The following NAV2 variants were observed in gnomAD, a reference collection of about 807,000 sequenced individuals.
NAV2 encodes the protein neuron navigator 2, also known as helicase, APC down-regulated 1.
NAV2 carries 54 observed loss-of-function variants against 223.2 expected under a neutral mutation model. The observed-to-expected ratio is 0.24, with a 90% confidence interval of 0.19 to 0.30. NAV2 has a LOEUF of 0.30. Ranked by LOEUF, NAV2 falls within the 10% of genes least tolerant of loss-of-function variation. The pLI is 1.00. For synonymous variants in NAV2, 1,279 were observed against 1,239.3 expected (o/e 1.03, Z -0.67); for missense variants, 2,806 against 3,147.5 (o/e 0.89, Z 2.60).
At chr11:19,365,133 T>C (rs1341426413) in intron 1 of NAV2, among the ~76,000 whole-genome samples, 2 of 152,240 alleles carry the variant, frequency 1.3e-5, no homozygotes, top group East Asian at 3.8e-4. Flanking sequence ...CAATAGCTTA[T>C]GTTTGGGCAA....
chr11:19,673,195 C>A (rs1233887433), intron 1 of NAV2, among the ~76,000 whole-genome samples: 2 of 152,210 alleles, frequency 1.3e-5, no homozygotes, highest in African/African-American at 4.8e-5. Context: ...TGTAATGATA[C>A]TTATTACTAT....
In NAV2 at chr11:19,713,202, C is replaced by A; in HGVS notation, c.-494C>A. ...TCTTCTCTCCTTCCTTCGCTGCTGTCTCCTTTCCTTCCTTGGCTGCTCGCT... is the reference window on the plus strand; with the variant it reads ...TCTTCTCTCCTTCCTTCGCTGCTGTATCCTTTCCTTCCTTGGCTGCTCGCT... On this transcript the variant is annotated 5_prime_UTR_variant, in exon 1 of 38. Coordinates refer to ENST00000349880, the MANE Select transcript of NAV2 (RefSeq NM_145117.5). The surrounding 1 kb of genome is among the most constrained non-coding windows in gnomAD (Gnocchi z 7.2). The A allele has an allele frequency of 1.8e-6, 1 of 561,988 alleles. No homozygotes were observed. Among genetic ancestry groups the A allele is most frequent in the Non-Finnish European group, 2.3e-6 (1 of 442,622 alleles). 34.8% of individuals were successfully genotyped at this position (561,988 alleles called of 1,614,324 possible). A position where few individuals can be genotyped will look rare whatever the true frequency, so the allele number is the denominator to read the frequency against.
chr11:19,629,490 C>T (rs1315369313), intron 1 of NAV2, among the ~76,000 whole-genome samples: 1 of 151,850 alleles, frequency 6.6e-6, no homozygotes, highest in African/African-American at 2.4e-5. Flanking sequence ...CACACACACA[C>T]ACGTACAGAC....
rs763080757 is a variant in NAV2, at chr11:19,948,717, A to G, written c.2282A>G (p.Asn761Ser). Residue 761 changes from asparagine (N) to serine (S), a missense_variant, in exon 10 of 38, where the codon AAT (asparagine) becomes AGT (serine). By Grantham distance (46) the Asn-to-Ser change is conservative. This residue lies in a region of NAV2 where 1,167 missense variants were observed against 1,180.5 expected (regional missense o/e 0.99). Transcript: ENST00000349880. ...ACATTGGAAACCACGTTTGACACCA[A>G]TGTCACCACGGAGATGAGTGGCCGT... ...HSTLETTFDT[N>S]VTTEMSGRSI... 20 of 1,591,642 alleles carry G rather than the reference A, an allele frequency of 1.3e-5. No individual in the cohort carries two copies. Among genetic ancestry groups the G allele is most frequent in the East Asian group, 2.3e-5 (1 of 44,288 alleles).
chr11:19,812,188 C>T lies in NAV2; in HGVS notation c.268-20296C>T, dbSNP rs73435623. ...CTGATTCAATAGGCCTGGAGTGGGG[C>T]CTGATAATCTGCATTTATGATGAGT... On this transcript the variant is annotated intron_variant, in intron 1 of 37. Transcript: ENST00000349880. Among the ~76,000 whole-genome samples the T allele has an allele frequency of 5.8e-3, 876 of 152,076 alleles. 8 individuals are homozygous for T. Among genetic ancestry groups the T allele is most frequent in the African/African-American group, 0.02 (841 of 41,534 alleles).
intron 1 of NAV2, among the ~76,000 whole-genome samples, chr11:19,802,448 TC>T (rs1211375418): frequency 6.6e-6 from 1 of 152,186 alleles, no homozygotes; most frequent in Non-Finnish European, 1.5e-5. Context: ...TGCTGAGGCC[TC>T]CCCAGCCACC....
chr11:19,970,435 C>T (rs1213422018), intron 10 of NAV2, among the ~76,000 whole-genome samples: 2 of 152,208 alleles, frequency 1.3e-5, no homozygotes, highest in Non-Finnish European at 2.9e-5. Context: ...TCCCAAAGTG[C>T]TGAGATTACA....
At chr11:19,758,165 C>A (rs1412967734) in intron 1 of NAV2, among the ~76,000 whole-genome samples, 1 of 152,210 alleles carries the variant, frequency 6.6e-6, no homozygotes. Context: ...GCACCTACAT[C>A]TCTATTTGAG....
At chr11:19,356,296 T>A (rs1853612416) in intron 1 of NAV2, among the ~76,000 whole-genome samples, 1 of 152,050 alleles carries the variant, frequency 6.6e-6, no homozygotes, top group Non-Finnish European at 1.5e-5. Context: ...GGCAAAGGGG[T>A]CAGACCAATT....
intron 1 of NAV2, among the ~76,000 whole-genome samples, chr11:19,549,206 G>T (rs1590484815): frequency 6.6e-6 from 1 of 152,150 alleles, no homozygotes; most frequent in Non-Finnish European, 1.5e-5. Context: ...ATAGGGGCTA[G>T]GCCATTCTCA....
chr11:19,875,869 A>G (rs2062805761), intron 4 of NAV2, among the ~76,000 whole-genome samples: 1 of 152,166 alleles, frequency 6.6e-6, no homozygotes, highest in South Asian at 2.1e-4. Context: ...GGGGATGAGC[A>G]GAGAGAATGG....
At chr11:19,948,101 G>A (rs190078020) in intron 9 of NAV2, among the ~76,000 whole-genome samples, 6 of 151,214 alleles carry the variant, frequency 4.0e-5, no homozygotes, top group Admixed American at 6.6e-5. Context: ...TTTTTGCCGG[G>A]GGGGATGGAG....
At chr11:19,774,839 C>T (rs897319691) in intron 1 of NAV2, among the ~76,000 whole-genome samples, 3 of 152,140 alleles carry the variant, frequency 2.0e-5, no homozygotes, top group Admixed American at 2.0e-4. Context: ...CACACCTTCC[C>T]ATCTCTCCTT....
At chr11:19,761,756 C>G (rs1039761418) in intron 1 of NAV2, among the ~76,000 whole-genome samples, 1 of 152,238 alleles carries the variant, frequency 6.6e-6, no homozygotes, top group African/African-American at 2.4e-5. Flanking sequence ...GATTAGAGGA[C>G]TAATCCTACC....
chr11:19,546,870 G>A lies in NAV2; in HGVS notation c.75+195843G>A, dbSNP rs2044515649. 2.0e-5 allele frequency among the ~76,000 whole-genome samples: 3 copies of A among 152,204 alleles called. No homozygotes were observed. In the South Asian group the frequency reaches 6.2e-4, roughly 32 times the overall value. On this transcript the variant is annotated intron_variant, in intron 1 of 37. Transcript: ENST00000360655. ...AACATTTTCTCACATACAAAATAAG[G>A]AAGCTCTAGGATTCTTCCAGCAAGA... is the stretch of plus-strand genomic sequence containing the variant.
chr11:19,415,087 A>T (rs966673067), intron 1 of NAV2, among the ~76,000 whole-genome samples: 6 of 152,174 alleles, frequency 3.9e-5, no homozygotes, highest in African/African-American at 1.4e-4. Flanking sequence ...ACAAGAAATA[A>T]CTAAGATCAG....
chr11:19,353,499 G>A (rs1424044946), intron 1 of NAV2, among the ~76,000 whole-genome samples: 2 of 152,164 alleles, frequency 1.3e-5, no homozygotes, highest in Non-Finnish European at 1.5e-5. Flanking sequence ...TGTTAGCTGT[G>A]CAACCCTGGG....
chr11:19,729,022 G>C, intron 1 of NAV2, among the ~76,000 whole-genome samples: 1 of 152,180 alleles, frequency 6.6e-6, no homozygotes, highest in African/African-American at 2.4e-5. Context: ...AGCTTGTTAA[G>C]TGTGCAGAAT....
intron 1 of NAV2, among the ~76,000 whole-genome samples, chr11:19,456,083 T>G (rs1851949686): frequency 6.6e-6 from 1 of 152,204 alleles, no homozygotes; most frequent in African/African-American, 2.4e-5. Context: ...TATAACAATG[T>G]CATCCAAGCA....
Sources: allele counts gnomAD v4.1 joint callset (sites outside exome capture counted in the v4.1 genomes callset), GRCh38; gene constraint gnomAD v4.1.1; regional missense constraint gnomAD v4.1.1; non-coding constraint Gnocchi (gnomAD v3.1); transcripts MANE v1.5; gene names NCBI Gene and HGNC (gene_info 2026-07-23, HGNC 2026-07-21).